The following MAPK10 variants were observed in gnomAD, a reference collection of about 807,000 sequenced individuals.
MAPK10 encodes the protein mitogen-activated protein kinase 10.
MAPK10 carries 25 observed loss-of-function variants against 59.3 expected under a neutral mutation model. The observed-to-expected ratio is 0.42, with a 90% CI of 0.31 to 0.59. The LOEUF is 0.59. Ranked by LOEUF, MAPK10 falls within the 20% of genes least tolerant of loss-of-function variation. MAPK10 has a pLI of 0.15. For missense variants in MAPK10, 351 were observed against 568.9 expected, an observed-to-expected ratio of 0.62 and a Z score of 3.90; for synonymous variants, 190 against 200.5, an observed-to-expected ratio of 0.95 and a Z score of 0.44.
chr4:86,248,976 T>C lies in MAPK10; in HGVS notation c.-6-54569A>G, dbSNP rs374319134. On this transcript the variant is annotated intron_variant, in intron 2 of 13. Coordinates refer to ENST00000641462, the MANE Select transcript of MAPK10 (RefSeq NM_138982.4). ...GACTTAGAAGGCTCTGAAATACTTT[T>C]TAAAAGTATAATTTAGCACAGGAAA... Among the ~76,000 whole-genome samples, 36 of 152,290 alleles carry C rather than the reference T, an allele frequency of 2.4e-4. No individual in the cohort carries two copies. In the Middle Eastern group the frequency reaches 0.01, roughly 43 times the overall value.
intron 1 of MAPK10, among the ~76,000 whole-genome samples, chr4:86,396,641 T>A (rs750597299): frequency 6.6e-6 from 1 of 152,188 alleles, no homozygotes; most frequent in Non-Finnish European, 1.5e-5. Context: ...TACAGAAACA[T>A]GGCGCCAGCA....
intron 1 of MAPK10, among the ~76,000 whole-genome samples, chr4:86,426,040 T>C (rs1215787116): frequency 5.3e-5 from 8 of 152,168 alleles, no homozygotes. Flanking sequence ...CATTCAAATG[T>C]TTGTTTCAAA....
intron 1 of MAPK10, among the ~76,000 whole-genome samples, chr4:86,548,946 G>A (rs1208483436): frequency 1.3e-5 from 2 of 152,070 alleles, no homozygotes; most frequent in African/African-American, 4.8e-5. Flanking sequence ...CTAAATATAC[G>A]TTTTCACTGT....
chr4:86,560,399 G>A (rs993595020), intron 1 of MAPK10, among the ~76,000 whole-genome samples: 1 of 152,174 alleles, frequency 6.6e-6, no homozygotes, highest in Non-Finnish European at 1.5e-5. Flanking sequence ...TGCCTTAGAA[G>A]ACAGTTTTCA....
chr4:86,416,477 A>ATTAGTTCATAAACACAGATCT (rs1396097384), intron 1 of MAPK10, among the ~76,000 whole-genome samples: 5 of 152,208 alleles, frequency 3.3e-5, no homozygotes, highest in Non-Finnish European at 7.4e-5. Flanking sequence ...TGTTATTGTT[A>ATTAGTTCATAAACACAGATCT]TTAGTTCATA....
At chr4:86,257,269 C>T (rs2093782523) in intron 2 of MAPK10, among the ~76,000 whole-genome samples, 1 of 152,046 alleles carries the variant, frequency 6.6e-6, no homozygotes, top group Non-Finnish European at 1.5e-5. Context: ...AAGCAAAAGT[C>T]CATTTAATTA....
intron 4 of MAPK10, among the ~76,000 whole-genome samples, chr4:86,137,625 C>G (rs928100742): frequency 3.1e-5 from 4 of 128,342 alleles, no homozygotes; most frequent in African/African-American, 1.5e-4. Flanking sequence ...ATTAAAACAA[C>G]TAGAAAAGCA....
At chr4:86,085,311 C>G (rs558607033) in intron 9 of MAPK10, among the ~76,000 whole-genome samples, 1 of 152,192 alleles carries the variant, frequency 6.6e-6, no homozygotes, top group East Asian at 1.9e-4. Context: ...GAAGAGACAA[C>G]CTACAGAATG....
At chr4:86,469,234 C>A (rs1303623384) in intron 1 of MAPK10, among the ~76,000 whole-genome samples, 1 of 151,988 alleles carries the variant, frequency 6.6e-6, no homozygotes, top group Non-Finnish European at 1.5e-5. Context: ...GGTGACAAAG[C>A]AAGTTTTTTG....
At chr4:86,360,196 G>A (rs886059684), upstream of MAPK10, 32 of 985,890 alleles carry the variant, frequency 3.2e-5, no homozygotes, top group South Asian at 1.3e-3. Context: ...TCTATGTGCA[G>A]CTACAGCTAC....
At chr4:86,088,333 C>T (rs1561532145) in intron 9 of MAPK10, among the ~76,000 whole-genome samples, 2 of 152,060 alleles carry the variant, frequency 1.3e-5, no homozygotes, top group African/African-American at 2.4e-5. Flanking sequence ...GGACTTTCAC[C>T]GTGCCCGGCT....
At chr4:86,454,648 C>T (rs1426680235), upstream of MAPK10, among the ~76,000 whole-genome samples, 6 of 151,998 alleles carry the variant, frequency 3.9e-5, no homozygotes, top group African/African-American at 1.2e-4. Flanking sequence ...ATGGCCAAAC[C>T]TAAGAATAAT....
At chr4:86,113,542 C>T (rs2057857624) in intron 4 of MAPK10, among the ~76,000 whole-genome samples, 2 of 152,112 alleles carry the variant, frequency 1.3e-5, no homozygotes, top group South Asian at 4.1e-4. Flanking sequence ...GCATATTGGC[C>T]TCCAATCTCT....
chr4:86,494,987 T>G (rs1489720407), intron 1 of MAPK10, among the ~76,000 whole-genome samples: 2 of 151,732 alleles, frequency 1.3e-5, no homozygotes, highest in African/African-American at 2.4e-5. Flanking sequence ...TTTCATGGTG[T>G]CTTCCCTAAG....
At chr4:86,317,553 A>G (rs2095812881) in intron 2 of MAPK10, among the ~76,000 whole-genome samples, 2 of 152,184 alleles carry the variant, frequency 1.3e-5, no homozygotes, top group African/African-American at 2.4e-5. Context: ...TCTACTATAA[A>G]TTCCTTTAGA....
At chr4:86,276,410 G>A (rs997872708) in intron 2 of MAPK10, among the ~76,000 whole-genome samples, 4 of 151,472 alleles carry the variant, frequency 2.6e-5, no homozygotes, top group African/African-American at 7.3e-5. Context: ...GTACTAGCCC[G>A]CCATATCTGT....
chr4:86,214,181 C>T (rs1165766774), intron 2 of MAPK10, among the ~76,000 whole-genome samples: 1 of 152,122 alleles, frequency 6.6e-6, no homozygotes, highest in African/African-American at 2.4e-5. Context: ...ATTCAACACC[C>T]TTTCATGATT....
At chr4:86,438,801 C>G (rs1338443491) in intron 1 of MAPK10, among the ~76,000 whole-genome samples, 1 of 151,656 alleles carries the variant, frequency 6.6e-6, no homozygotes, top group Non-Finnish European at 1.5e-5. Flanking sequence ...AAGTCTGACT[C>G]GAGCAAAGGA....
intron 4 of MAPK10, among the ~76,000 whole-genome samples, chr4:86,142,427 ATCAT>A (rs1034378360): frequency 6.6e-6 from 1 of 152,172 alleles, no homozygotes; most frequent in Non-Finnish European, 1.5e-5. Flanking sequence ...GGATTCATTC[ATCAT>A]TCATTCATTC....
Sources: allele counts gnomAD v4.1 joint callset (sites outside exome capture counted in the v4.1 genomes callset), GRCh38; gene constraint gnomAD v4.1.1; transcripts MANE v1.5; gene names NCBI Gene and HGNC (gene_info 2026-07-23, HGNC 2026-07-21).